Variants in NOS1 observed in about 807,000 individuals in gnomAD.
NOS1 encodes nitric oxide synthase 1.
A neutral mutation model predicts 164.5 loss-of-function variants in NOS1; 51 were observed. The ratio of observed to expected loss-of-function variants is 0.31; its 90% CI spans 0.25 to 0.39. The LOEUF (loss-of-function observed/expected upper bound fraction) is 0.39, where lower values mean the gene tolerates loss of function less well. Ranked by LOEUF, NOS1 falls within the 10% of genes least tolerant of loss-of-function variation. The probability of loss-of-function intolerance (pLI) is 1.00; values close to 1 mark genes in which losing one functional copy is unlikely to be tolerated. For missense variants in NOS1, 1,362 were observed against 1,885.6 expected (o/e 0.72, Z 5.14); for synonymous variants, 719 against 745.8 (o/e 0.96, Z 0.59).
intron 3 of NOS1, among the ~76,000 whole-genome samples, chr12:117,295,266 A>G (rs1255907225): frequency 2.0e-5 from 3 of 152,230 alleles, no homozygotes; most frequent in Non-Finnish European, 4.4e-5. Flanking sequence ...CTTCTGAGCT[A>G]AGAAGGATTT....
chr12:117,291,496 A>G (rs1041157182), intron 3 of NOS1, among the ~76,000 whole-genome samples: 1 of 138,632 alleles, frequency 7.2e-6, no homozygotes, highest in African/African-American at 2.7e-5. Context: ...TGGCCCATTC[A>G]TTGTAGACCT....
intron 1 of NOS1, among the ~76,000 whole-genome samples, chr12:117,353,988 A>G (rs143688340): frequency 1.8e-4 from 28 of 152,128 alleles, no homozygotes; most frequent in African/African-American, 9.6e-5. Flanking sequence ...ACAAACAAAA[A>G]CCAAATCTCT....
At chr12:117,259,230 G>A in intron 14 of NOS1, 100 bp from the exon 15 acceptor site, 2 of 732,398 alleles carry the variant, frequency 2.7e-6, no homozygotes, top group Non-Finnish European at 4.7e-6. Context: ...AAGGGCAAGA[G>A]GAGAGAAAGG....
intron 3 of NOS1, among the ~76,000 whole-genome samples, chr12:117,291,457 G>A (rs1299757529): frequency 6.6e-6 from 1 of 151,636 alleles, no homozygotes; most frequent in African/African-American, 2.4e-5. Flanking sequence ...CAGTAGGTGA[G>A]GGGGGATAAA....
chr12:117,261,619 A>T (rs1172178604), intron 13 of NOS1, among the ~76,000 whole-genome samples: 1 of 152,194 alleles, frequency 6.6e-6, no homozygotes, highest in Non-Finnish European at 1.5e-5. Context: ...GGTCTTGCAC[A>T]GAGCCTGATA....
In NOS1 at chr12:117,208,520, A is replaced by C; in HGVS notation, c.*6789T>G. On this transcript the variant is annotated 3_prime_UTR_variant, in exon 29 of 29. Transcript: ENST00000317775. ...CGGCACCGCTCTTTGGGCCTTCTGG[A>C]AAACCACTGCTGAGCCAGGAGTGTG... is the stretch of plus-strand genomic sequence containing the variant. 8.2e-7 allele frequency: 1 copy of C among 1,226,440 alleles called. No individual in the cohort carries two copies. Among genetic ancestry groups the C allele is most frequent in the Non-Finnish European group, 1.0e-6 (1 of 955,124 alleles). 76.0% of individuals were successfully genotyped at this position (1,226,440 alleles called of 1,614,324 possible).
intron 2 of NOS1, among the ~76,000 whole-genome samples, chr12:117,313,671 C>T (rs1027499072): frequency 6.6e-6 from 1 of 152,144 alleles, no homozygotes; most frequent in African/African-American, 2.4e-5. Flanking sequence ...ATGAGGTGAT[C>T]TCAGCTAGGT....
rs1415270517 is a variant in NOS1 at position 117,211,249 on chromosome 12, C to T, written c.*4060G>A. On this transcript the variant is annotated 3_prime_UTR_variant, in exon 29 of 29. Coordinates refer to ENST00000317775, the MANE Select transcript of NOS1 (RefSeq NM_000620.5). ...CTGGGATTACAGACATGAGCTACCG[C>T]GCCCAGCCTGCAAGATGCTTTAATT... The T allele has an allele frequency of 1.1e-5, 11 of 985,272 alleles. No individual in the cohort carries two copies. The highest frequency in any genetic ancestry group is 1.1e-4 in the East Asian group (1 of 8,810). The allele number at this position is 985,272 out of a possible 1,614,324, so 61.0% of individuals were successfully genotyped here. A position where few individuals can be genotyped will look rare whatever the true frequency, so the allele number is the denominator to read the frequency against.
At chr12:117,299,364 C>T (rs113028286) in intron 3 of NOS1, among the ~76,000 whole-genome samples, 2 of 152,082 alleles carry the variant, frequency 1.3e-5, no homozygotes, top group South Asian at 2.1e-4. Flanking sequence ...GCTGGCCGGG[C>T]GCGGTGGCTC....
chr12:117,242,487 A>G, intron 20 of NOS1, 140 bp downstream of exon 20: 1 of 714,724 alleles, frequency 1.4e-6, no homozygotes, highest in Admixed American at 2.2e-5. Context: ...CCCAGACACT[A>G]TAAAGCAGCA....
chr12:117,265,952 G>A (rs1872368108), intron 11 of NOS1, among the ~76,000 whole-genome samples: 1 of 95,970 alleles, frequency 1.0e-5, no homozygotes. Flanking sequence ...CACCACGCCT[G>A]GCTAATTTTT....
intron 5 of NOS1, among the ~76,000 whole-genome samples, chr12:117,286,568 G>A (rs189680212): frequency 4.7e-4 from 72 of 152,276 alleles, no homozygotes; most frequent in African/African-American, 1.7e-3. Flanking sequence ...CCTGACAGGA[G>A]TGGGGACCCA....
rs777636402 is a variant in NOS1, at chr12:117,243,307, T to C, written c.2952A>G (p.Glu984=). The change falls in exon 19 of 29, where the codon GAA becomes GAG. Residue 984 remains glutamate (E), a synonymous_variant. Transcript: ENST00000317775. The surrounding 1 kb of genome is among the most constrained non-coding windows in gnomAD (Gnocchi z 4.3). ...GGTGGTGGGAGGTACCTTGTGTGAG[T>C]TCTGGAGCTTCGGCCACAAAGGTGA... The part of the protein sequence containing the change: ...FRLTFVAEAP[E]LTQGLSNVHK... 1.9e-6 allele frequency: 3 copies of C among 1,614,104 alleles called. No homozygotes were observed. Among genetic ancestry groups the C allele is most frequent in the Non-Finnish European group, 1.7e-6 (2 of 1,180,004 alleles).
At position 117,272,644 on chromosome 12, in the gene NOS1, A is replaced by T; in HGVS notation, c.1665-85T>A. The T allele has an allele frequency of 7.6e-7, 1 of 1,321,048 alleles. No individual in the cohort carries two copies. The allele number at this position is 1,321,048 out of a possible 1,614,324, so 81.8% of individuals were successfully genotyped here. A position where few individuals can be genotyped will look rare whatever the true frequency, so the allele number is the denominator to read the frequency against. ...TGAATCTAGAGATGCTGAAATGCCA[A>T]GGATGGACTGGGACTGACAAGGTCA... On this transcript the variant is annotated intron_variant, in intron 9 of 28. Transcript: ENST00000317775. The surrounding 1 kb of genome is among the most constrained non-coding windows in gnomAD (Gnocchi z 4.3).
intron 1 of NOS1, among the ~76,000 whole-genome samples, chr12:117,333,999 C>T (rs568952807): frequency 7.2e-5 from 11 of 152,330 alleles, no homozygotes; most frequent in Admixed American, 2.6e-4. Context: ...AACTGAAAGG[C>T]GACCTCTTGG....
chr12:117,267,027 C>T (rs1872474731), intron 11 of NOS1, among the ~76,000 whole-genome samples: 1 of 152,204 alleles, frequency 6.6e-6, no homozygotes, highest in Non-Finnish European at 1.5e-5. Flanking sequence ...AGTGCACCCA[C>T]TCCATCCACA....
At chr12:117,351,341 C>T (rs1191114278) in intron 1 of NOS1, among the ~76,000 whole-genome samples, 1 of 152,226 alleles carries the variant, frequency 6.6e-6, no homozygotes, top group African/African-American at 2.4e-5. Flanking sequence ...CATTCCACCA[C>T]CCAAAGGGCT....
intron 3 of NOS1, chr12:117,304,995 C>G: frequency 2.0e-6 from 2 of 985,324 alleles, no homozygotes; most frequent in Non-Finnish European, 2.4e-6. Context: ...TGCCTTTTGC[C>G]CAGTCCTTGG....
chr12:117,295,771 C>A (rs1448104082), intron 3 of NOS1, among the ~76,000 whole-genome samples: 1 of 151,586 alleles, frequency 6.6e-6, no homozygotes, highest in Non-Finnish European at 1.5e-5. Context: ...AGGCATGCAC[C>A]ACCATGCCTG....
Sources: allele counts gnomAD v4.1 joint callset (sites outside exome capture counted in the v4.1 genomes callset), GRCh38; gene constraint gnomAD v4.1.1; non-coding constraint Gnocchi (gnomAD v3.1); transcripts MANE v1.5; gene names NCBI Gene and HGNC (gene_info 2026-07-23, HGNC 2026-07-21).